The following INTS6L variants were observed in gnomAD, a reference collection of about 807,000 sequenced individuals.
INTS6L encodes integrator complex subunit 6-like.
In INTS6L, 18 loss-of-function variants were observed where a neutral mutation model predicts 64.7. The observed-to-expected ratio is 0.28, with a 90% CI of 0.19 to 0.41. The LOEUF (loss-of-function observed/expected upper bound fraction) is 0.41. Among genes scored for constraint, INTS6L ranks in the 10% least tolerant of loss-of-function variants. The pLI is 1.00. For synonymous variants in INTS6L, 227 were observed against 235.9 expected (o/e 0.96, Z 0.34); for missense variants, 533 against 661.0 (o/e 0.81, Z 2.12).
chrX:135,571,594 G>A (rs1556527514), intron 11 of INTS6L: 1 of 112,043 alleles, frequency 8.9e-6, no homozygotes, highest in African/African-American at 3.2e-5. Flanking sequence ...GAAAGTAAAG[G>A]CAACCCCAGA....
intron 11 of INTS6L, chrX:135,571,662 G>A (rs1272749099): frequency 8.9e-6 from 1 of 111,841 alleles, no homozygotes; most frequent in Non-Finnish European, 1.9e-5. Context: ...TAGATTTTTT[G>A]TGGTTGTTGT....
intron 9 of INTS6L, among the ~76,000 whole-genome samples, chrX:135,558,437 C>A (rs1196822010): frequency 8.9e-6 from 1 of 111,828 alleles, no homozygotes; most frequent in African/African-American, 3.2e-5. Flanking sequence ...GATATACATG[C>A]AATGGAATAT....
intron 8 of INTS6L, among the ~76,000 whole-genome samples, chrX:135,552,446 G>T (rs1452665827): frequency 2.7e-5 from 3 of 112,058 alleles, no homozygotes; most frequent in African/African-American, 9.7e-5. Context: ...CTAATCTAAA[G>T]GTTGTACTTC....
At chrX:135,548,499 A>T (rs1013444957) in intron 6 of INTS6L, among the ~76,000 whole-genome samples, 1 of 111,763 alleles carries the variant, frequency 8.9e-6, no homozygotes, top group African/African-American at 3.3e-5. Context: ...ATAAACTGGG[A>T]ACTTACATAT....
At chrX:135,563,644 TATATATATATATA>T (rs1556523370) in intron 9 of INTS6L, among the ~76,000 whole-genome samples, 1 of 11,516 alleles carries the variant, frequency 8.7e-5, no homozygotes, top group Non-Finnish European at 2.2e-4. Context: ...TATATATATA[TATATATATATATA>T]GCTATATATA....
chrX:135,570,960 T>C (rs1556527257), intron 11 of INTS6L: 1 of 124,199 alleles, frequency 8.1e-6, no homozygotes, highest in African/African-American at 3.2e-5. Context: ...TTTTCAGGCA[T>C]GTGAAGGACT....
intron 9 of INTS6L, among the ~76,000 whole-genome samples, chrX:135,567,801 A>G (rs183349952): frequency 1.1e-4 from 12 of 112,180 alleles, no homozygotes; most frequent in Admixed American, 5.7e-4. Flanking sequence ...AATATCTTCA[A>G]ATCTTTAACA....
chrX:135,561,055 C>T (rs1446637906), intron 9 of INTS6L, among the ~76,000 whole-genome samples: 4 of 102,351 alleles, frequency 3.9e-5, no homozygotes, highest in Non-Finnish European at 7.9e-5. Context: ...TGGGTTCAAG[C>T]GATTCTCATG....
chrX:135,580,986 A>G (rs1476782351), intron 16 of INTS6L, 64 bp from the exon 17 acceptor site: 1 of 804,661 alleles, frequency 1.2e-6, no homozygotes, highest in African/African-American at 2.1e-5. Flanking sequence ...AGGATGTACA[A>G]CAATTAAATT....
rs781827131 is a variant in INTS6L at position 135,581,764 on chromosome X, G to T, written c.*128G>T. 2.0e-6 allele frequency: 1 copy of T among 504,763 alleles called. No individual in the cohort carries two copies. Among genetic ancestry groups the T allele is most frequent in the Admixed American group, 4.4e-5 (1 of 22,608 alleles). 41.6% of individuals were successfully genotyped at this position (504,763 alleles called of 1,213,427 possible). On this transcript the variant is annotated 3_prime_UTR_variant, in exon 18 of 18. Coordinates refer to ENST00000639893, the MANE Select transcript of INTS6L (RefSeq NM_001351601.3). ...CCAGATGCTAAGAAGCAGCAGTGGGGCTTTTGAATTTTATGATTATCTGGC... is the reference window on the plus strand; with the variant it reads ...CCAGATGCTAAGAAGCAGCAGTGGGTCTTTTGAATTTTATGATTATCTGGC...
At chrX:135,557,944 C>A (rs1252322421) in intron 9 of INTS6L, among the ~76,000 whole-genome samples, 2 of 111,895 alleles carry the variant, frequency 1.8e-5, no homozygotes, top group East Asian at 5.6e-4. Context: ...ATTTCAATAG[C>A]AAAACAAAAA....
intron 7 of INTS6L, among the ~76,000 whole-genome samples, 196 bp downstream of exon 7, chrX:135,550,001 T>G (rs1224037671): frequency 8.9e-6 from 1 of 112,805 alleles, no homozygotes; most frequent in African/African-American, 3.2e-5. Flanking sequence ...TATTTTCTGA[T>G]ACTTGTCATT....
chrX:135,524,232 T>C (rs1003623231), intron 2 of INTS6L, among the ~76,000 whole-genome samples: 13 of 111,556 alleles, frequency 1.2e-4, no homozygotes, highest in Non-Finnish European at 2.4e-4. Context: ...GATTTTTTTT[T>C]CTTAAAATTT....
At chrX:135,541,147 C>A (rs983014256) in intron 2 of INTS6L, among the ~76,000 whole-genome samples, 2 of 111,305 alleles carry the variant, frequency 1.8e-5, no homozygotes, top group Admixed American at 9.5e-5. Context: ...ATGTCACTAT[C>A]AGACTGATTT....
At chrX:135,521,173 T>C in intron 1 of INTS6L, 68 bp from the exon 2 acceptor site, 1 of 1,170,588 alleles carries the variant, frequency 8.5e-7, no homozygotes, top group Non-Finnish European at 1.2e-6. Flanking sequence ...GAGGTGCTTC[T>C]GTAACGTTTG....
At chrX:135,529,198 A>G (rs1156621365) in intron 2 of INTS6L, among the ~76,000 whole-genome samples, 1 of 112,551 alleles carries the variant, frequency 8.9e-6, no homozygotes, top group African/African-American at 3.2e-5. Flanking sequence ...AATATGTAAC[A>G]TGTCCGTTGT....
intron 9 of INTS6L, among the ~76,000 whole-genome samples, chrX:135,558,339 T>G (rs1366673389): frequency 8.9e-6 from 1 of 111,891 alleles, no homozygotes; most frequent in Non-Finnish European, 1.9e-5. Context: ...CTTGAAGATA[T>G]ATTTGCACAC....
Position 135,569,362 on chromosome X carries a change from T to C in INTS6L, c.1218T>C (p.Leu406=). ...ATGACTTGTTTAAAGTTCACAAGCT[T>C]AAGCCAAATCTGAAGTGGCGACAGG... ...LLDDLFKVHK[L]KPNLKWRQAF... is the part of the protein sequence containing the mutation. The change falls in exon 10 of 18, where the codon CTT becomes CTC. Residue 406 remains leucine, a synonymous_variant. Transcript: ENST00000639893. 8.4e-7 allele frequency: 1 copy of C among 1,188,088 alleles called. No individual in the cohort carries two copies.
intron 2 of INTS6L, among the ~76,000 whole-genome samples, chrX:135,528,506 C>T (rs918668225): frequency 2.7e-5 from 3 of 111,246 alleles, no homozygotes; most frequent in African/African-American, 9.8e-5. Flanking sequence ...GGGCTCTTCA[C>T]ATATGCCAGT....
Sources: gnomAD v4.1 joint callset for allele counts (sites outside exome capture counted in the v4.1 genomes callset) on GRCh38, gnomAD v4.1.1 for gene constraint, MANE v1.5 for transcripts, NCBI Gene and HGNC (gene_info 2026-07-23, HGNC 2026-07-21) for gene names.